Variants in ORC3 observed in about 807,000 individuals in gnomAD.
ORC3 encodes the protein origin recognition complex subunit 3.
In ORC3, 78 loss-of-function variants were observed where a neutral mutation model predicts 100.7. The observed-to-expected ratio is 0.77, with a 90% CI of 0.65 to 0.94. ORC3 has a LOEUF of 0.94. Among genes scored for constraint, ORC3 ranks in the 40% least tolerant of loss-of-function variants. ORC3 has a pLI of 0.00. For synonymous variants in ORC3, 295 were observed against 289.3 expected (o/e 1.02, Z -0.20); for missense variants, 789 against 823.9 (o/e 0.96, Z 0.52).
chr6:87,651,521 AT>A, intron 13 of ORC3: 1 of 278,822 alleles, frequency 3.6e-6, no homozygotes, highest in Non-Finnish European at 7.3e-6. Context: ...GTCTTGGCTT[AT>A]TTTTCCTTGA....
At position 87,636,495 on chromosome 6, in the gene ORC3, G is replaced by C; in HGVS notation, c.1382+9G>C. Reference sequence around the variant, plus strand: ...GTCTTGCAGCTGCTGAGGTAGTTTTGTTTTTTCTTGTTTTTCTATTTTTGT... The same window carrying C: ...GTCTTGCAGCTGCTGAGGTAGTTTTCTTTTTTCTTGTTTTTCTATTTTTGT... On this transcript the variant is annotated intron_variant, in intron 13 of 19. Transcript: ENST00000392844. 2 of 1,577,390 alleles carry C rather than the reference G, an allele frequency of 1.3e-6. No homozygotes were observed. Among genetic ancestry groups the C allele is most frequent in the Non-Finnish European group, 1.7e-6 (2 of 1,146,908 alleles).
chr6:87,669,563 G>T (rs1039896552), downstream of ORC3, among the ~76,000 whole-genome samples: 1 of 152,208 alleles, frequency 6.6e-6, no homozygotes, highest in African/African-American at 2.4e-5. Context: ...GTCATTCTAA[G>T]GGTCTTTGAG....
chr6:87,607,548 G>C, intron 5 of ORC3, 125 bp from the exon 6 acceptor site: 1 of 634,956 alleles, frequency 1.6e-6, no homozygotes, highest in Non-Finnish European at 2.7e-6. Context: ...CTGTATTGAT[G>C]GTAAGTATAA....
rs199748447 is a variant in ORC3, at chr6:87,656,938, C to T, written c.1549C>T (p.Gln517Ter). Reference protein sequence around the residue: ...TKEEEDASGSQPKGLQKTDLY... With the variant: ...TKEEEDASGS ...AGAGGAAGAAGATGCTTCTGGGTCACAGCCAAAGGGGCTTCAGAAGACAGA... is the reference window on the plus strand; with the variant it reads ...AGAGGAAGAAGATGCTTCTGGGTCATAGCCAAAGGGGCTTCAGAAGACAGA... Residue 517 changes from glutamine to a stop codon, truncating the protein, a stop_gained, in exon 15 of 20, where the codon CAG becomes TAG. Coordinates refer to ENST00000392844, the MANE Select transcript of ORC3 (RefSeq NM_012381.4). LOFTEE classifies it high-confidence loss of function. 2.4e-5 allele frequency: 38 copies of T among 1,613,050 alleles called. No homozygotes were observed. The highest frequency in any genetic ancestry group is 1.7e-6 in the Non-Finnish European group (2 of 1,179,344).
At chr6:87,644,665 A>G (rs942713918) in intron 13 of ORC3, among the ~76,000 whole-genome samples, 4 of 151,974 alleles carry the variant, frequency 2.6e-5, no homozygotes, top group Non-Finnish European at 5.9e-5. Flanking sequence ...CCTGGCTAAC[A>G]TGGCGAAACC....
chr6:87,658,632 T>TA (rs1769915300), intron 16 of ORC3, among the ~76,000 whole-genome samples: 1 of 152,190 alleles, frequency 6.6e-6, no homozygotes, highest in East Asian at 1.9e-4. Flanking sequence ...CTCTTTCTAA[T>TA]AATAAAGTAT....
intron 13 of ORC3, among the ~76,000 whole-genome samples, chr6:87,649,120 A>AAAAAAAAAAATG (rs1169754153): frequency 3.3e-5 from 5 of 152,312 alleles, no homozygotes; most frequent in Non-Finnish European, 5.9e-5. Context: ...GACCGTACTT[A>AAAAAAAAAAATG]CATTTTTATT....
chr6:87,626,314 A>G (rs1779896175), intron 11 of ORC3, among the ~76,000 whole-genome samples: 1 of 152,200 alleles, frequency 6.6e-6, no homozygotes. Flanking sequence ...CTTCCTATCC[A>G]TGAGCATGGA....
chr6:87,608,473 A>G (rs1778506299), intron 6 of ORC3, among the ~76,000 whole-genome samples: 1 of 152,202 alleles, frequency 6.6e-6, no homozygotes, highest in Non-Finnish European at 1.5e-5. Flanking sequence ...TACTGTGGTT[A>G]CATTTTCCAA....
chr6:87,635,854 T>C (rs1209654349), intron 12 of ORC3, among the ~76,000 whole-genome samples: 1 of 152,204 alleles, frequency 6.6e-6, no homozygotes, highest in Non-Finnish European at 1.5e-5. Context: ...GAGCCTCTTT[T>C]TCTCATTTTT....
chr6:87,648,185 G>A (rs369318768), intron 13 of ORC3, among the ~76,000 whole-genome samples: 2 of 152,034 alleles, frequency 1.3e-5, no homozygotes, highest in African/African-American at 2.4e-5. Flanking sequence ...TGGCAACAGA[G>A]CAAGACTCTG....
At position 87,634,880 on chromosome 6, in the gene ORC3, T is replaced by C. The variant is rs1050677525; in HGVS notation, c.1221T>C (p.Val407=). Residue 407 remains valine (V), a synonymous_variant, in exon 12 of 20, where the codon GTT becomes GTC. Coordinates refer to ENST00000392844, the MANE Select transcript of ORC3 (RefSeq NM_012381.4). Reference sequence around the variant, plus strand: ...AATTATTACTAGAAAACCTGCATGTTTATCATATGAATTACTTCCTGGTTT... The same window carrying C: ...AATTATTACTAGAAAACCTGCATGTCTATCATATGAATTACTTCCTGGTTT... The part of the protein sequence containing the change: ...ETQLLLENLH[V]YHMNYFLVLR... 9 of 1,596,992 alleles carry C rather than the reference T, an allele frequency of 5.6e-6. No homozygotes were observed. Among genetic ancestry groups the C allele is most frequent in the Non-Finnish European group, 7.7e-6 (9 of 1,164,752 alleles).
chr6:87,675,545 T>C, the ORC3 span: 9 of 1,608,942 alleles, frequency 5.6e-6, no homozygotes, highest in Admixed American at 1.7e-5. Flanking sequence ...TTGGGACCTC[T>C]TGCAACAACT....
intron 2 of ORC3, among the ~76,000 whole-genome samples, chr6:87,598,743 A>G (rs2128245633): frequency 6.6e-6 from 1 of 152,060 alleles, no homozygotes; most frequent in Non-Finnish European, 1.5e-5. Flanking sequence ...CCCTGATTAT[A>G]AGGCAGATGG....
chr6:87,646,893 G>C (rs932986890), intron 13 of ORC3, among the ~76,000 whole-genome samples: 3 of 151,932 alleles, frequency 2.0e-5, no homozygotes, highest in African/African-American at 7.3e-5. Context: ...ACCCAAAACT[G>C]AACTCCTGAT....
intron 7 of ORC3, among the ~76,000 whole-genome samples, chr6:87,610,398 A>T (rs1376088555): frequency 1.3e-5 from 2 of 150,968 alleles, no homozygotes; most frequent in Non-Finnish European, 3.0e-5. Context: ...TAGTAGAGAC[A>T]GGGTTTCACC....
At chr6:87,613,481 C>T (rs1375534632) in intron 8 of ORC3, among the ~76,000 whole-genome samples, 1 of 152,168 alleles carries the variant, frequency 6.6e-6, no homozygotes, top group African/African-American at 2.4e-5. Flanking sequence ...ATTTCAAAAC[C>T]AATCATGCCT....
intron 13 of ORC3, among the ~76,000 whole-genome samples, chr6:87,648,450 G>A (rs1016249211): frequency 3.9e-5 from 6 of 151,946 alleles, no homozygotes; most frequent in South Asian, 2.1e-4. Flanking sequence ...TTTTGTTTTT[G>A]TTGTGGTGGT....
At position 87,667,300 on chromosome 6, in the gene ORC3, G is replaced by A. The variant is rs979224318; in HGVS notation, c.*177G>A. The A allele has an allele frequency of 4.0e-6, 2 of 503,820 alleles. No homozygotes were observed. The highest frequency in any genetic ancestry group is 3.5e-5 in the South Asian group (1 of 28,272). 31.2% of individuals were successfully genotyped at this position (503,820 alleles called of 1,614,324 possible). A position where few individuals can be genotyped will look rare whatever the true frequency, so the allele number is the denominator to read the frequency against. On this transcript the variant is annotated 3_prime_UTR_variant, in exon 20 of 20. Coordinates refer to ENST00000392844, the MANE Select transcript of ORC3 (RefSeq NM_012381.4). ...CAAACAGGCATGTATCAAAACACCTGTGGAGTACTTTAGACTCCAACAAAT... is the reference window on the plus strand; with the variant it reads ...CAAACAGGCATGTATCAAAACACCTATGGAGTACTTTAGACTCCAACAAAT...
Sources: allele counts gnomAD v4.1 joint callset (sites outside exome capture counted in the v4.1 genomes callset), GRCh38; gene constraint gnomAD v4.1.1; transcripts MANE v1.5; gene names NCBI Gene and HGNC (gene_info 2026-07-23, HGNC 2026-07-21).